Variants in LRIF1 observed in about 807,000 individuals in gnomAD.
The protein encoded by LRIF1 is ligand dependent nuclear receptor interacting factor 1, also known as ligand-dependent nuclear receptor-interacting factor 1.
A neutral mutation model predicts 52.7 loss-of-function variants in LRIF1; 32 were observed. The observed-to-expected ratio is 0.61, with a 90% confidence interval of 0.46 to 0.82. The LOEUF is 0.82. LRIF1 is among the 40% of genes least tolerant of loss of function. The pLI, the probability that LRIF1 is intolerant of heterozygous loss-of-function variation, is 0.00. For missense variants in LRIF1, 887 were observed against 892.0 expected (o/e 0.99, Z 0.07); for synonymous variants, 323 against 317.4 (o/e 1.02, Z -0.19).
intron 1 of LRIF1, among the ~76,000 whole-genome samples, chr1:110,960,356 C>T (rs1011511937): frequency 2.0e-5 from 3 of 152,014 alleles, no homozygotes; most frequent in Non-Finnish European, 4.4e-5. Context: ...ACACTCAAAT[C>T]ACAAAATAAA....
chr1:110,952,916 TA>T (rs1293572913), intron 1 of LRIF1, 101 bp from the exon 2 acceptor site: 1 of 686,080 alleles, frequency 1.5e-6, no homozygotes, highest in East Asian at 4.0e-5. Context: ...TAAAATAAAG[TA>T]TATAATTTTC....
chr1:110,893,942 C>T, the LRIF1 span, among the ~76,000 whole-genome samples: 3 of 152,226 alleles, frequency 2.0e-5, no homozygotes, highest in African/African-American at 7.2e-5. Flanking sequence ...CAGTCCTCCA[C>T]CCAGAGGTAT....
chr1:110,930,681 T>C, the LRIF1 span, among the ~76,000 whole-genome samples: 1 of 152,170 alleles, frequency 6.6e-6, no homozygotes, highest in African/African-American at 2.4e-5. Flanking sequence ...CTTCAATCTA[T>C]GAATTTTAGG....
rs775014991 is a variant in LRIF1, at chr1:110,947,980, A to G, written c.2289T>C (p.Arg763=). Residue 763 remains arginine (R), a synonymous_variant, in exon 4 of 4, where the codon CGT becomes CGC. Coordinates refer to ENST00000369763, the MANE Select transcript of LRIF1 (RefSeq NM_018372.4). Reference sequence around the variant, plus strand: ...GATTTTATTTTTGGTGCATCTTCTTACGCATTTCTTCAAGAGCTGCTTCTT... The same window carrying G: ...GATTTTATTTTTGGTGCATCTTCTTGCGCATTTCTTCAAGAGCTGCTTCTT... ...REKEAALEEM[R]KKMHQK The G allele has an allele frequency of 1.1e-5, 18 of 1,582,634 alleles. No homozygotes were observed. Among genetic ancestry groups the G allele is most frequent in the South Asian group, 1.1e-4 (9 of 85,080 alleles).
Position 110,961,004 on chromosome 1 carries a change from C to T in LRIF1, c.68+2617G>A, listed in dbSNP as rs12746498. 5.1e-3 allele frequency among the ~76,000 whole-genome samples: 784 copies of T among 152,330 alleles called. 2 individuals carry two copies. Among genetic ancestry groups the T allele is most frequent in the Non-Finnish European group, 9.0e-3 (609 of 68,020 alleles). The stretch of plus-strand genomic sequence containing the variant: ...GGCAAACAGAACCCTTAAGAGCTAT[C>T]TATCTATCCTACTTGTACAGAATCA... On this transcript the variant is annotated intron_variant, in intron 1 of 3. Coordinates refer to ENST00000369763, the MANE Select transcript of LRIF1 (RefSeq NM_018372.4).
At chr1:110,927,349 C>T in the LRIF1 span, among the ~76,000 whole-genome samples, 2 of 152,080 alleles carry the variant, frequency 1.3e-5, no homozygotes, top group African/African-American at 4.8e-5. Context: ...GATCCTAGAA[C>T]TTGGAGTCCA....
At chr1:110,909,328 A>G in the LRIF1 span, among the ~76,000 whole-genome samples, 1 of 152,338 alleles carries the variant, frequency 6.6e-6, no homozygotes, top group Middle Eastern at 3.4e-3. Context: ...TCAAGTCTAC[A>G]TAACAACCAG....
chr1:110,948,856 CTTTT>C (rs1309997644), intron 3 of LRIF1, among the ~76,000 whole-genome samples: 1 of 152,034 alleles, frequency 6.6e-6, no homozygotes, highest in African/African-American at 2.4e-5. Context: ...ATAGACATTT[CTTTT>C]TATCATTATT....
the LRIF1 span, among the ~76,000 whole-genome samples, chr1:110,925,437 G>T: frequency 6.6e-6 from 1 of 151,726 alleles, no homozygotes; most frequent in Non-Finnish European, 1.5e-5. Context: ...CTTCACACGC[G>T]CATACACATA....
At chr1:110,909,515 G>T in the LRIF1 span, among the ~76,000 whole-genome samples, 1 of 145,392 alleles carries the variant, frequency 6.9e-6, no homozygotes. Context: ...TAGGCTCAAA[G>T]TAAAGGGATG....
At chr1:110,894,448 G>C in the LRIF1 span, 2 of 1,417,128 alleles carry the variant, frequency 1.4e-6, no homozygotes, top group East Asian at 4.6e-5. Flanking sequence ...TGAAAGTGGG[G>C]AGTATGCAGT....
At chr1:110,956,163 C>A (rs1658690127) in intron 1 of LRIF1, among the ~76,000 whole-genome samples, 1 of 152,154 alleles carries the variant, frequency 6.6e-6, no homozygotes, top group East Asian at 1.9e-4. Flanking sequence ...TTGGAACAGT[C>A]TTCGTGAAGG....
In LRIF1 at chr1:110,951,625, T is replaced by G. The variant is rs1468719254; in HGVS notation, c.1259A>C (p.Lys420Thr). 1.9e-6 allele frequency: 3 copies of G among 1,613,986 alleles called. No homozygotes were observed. Among genetic ancestry groups the G allele is most frequent in the Non-Finnish European group, 2.5e-6 (3 of 1,180,016 alleles). Residue 420 changes from lysine to threonine, a missense_variant, in exon 2 of 4, where the codon AAA becomes ACA. By Grantham distance (78) the Lys-to-Thr change is moderately conservative (BLOSUM62 -1). Transcript: ENST00000369763. ...EVVNIVLAKSKSSQMETKSLS... is the reference protein window; with the variant it reads ...EVVNIVLAKSTSSQMETKSLS... ...TGATTTTGTCTCCATCTGGGAAGATTTACTTTTAGCCAAAACAATATTTAC... is the reference window on the plus strand; with the variant it reads ...TGATTTTGTCTCCATCTGGGAAGATGTACTTTTAGCCAAAACAATATTTAC...
At chr1:110,963,509 C>G in intron 1 of LRIF1, 112 bp downstream of exon 1, 1 of 832,892 alleles carries the variant, frequency 1.2e-6, no homozygotes, top group Non-Finnish European at 1.8e-6. Context: ...GTGGCGCACT[C>G]TGCGGGCTCC....
At chr1:110,896,553 T>G in the LRIF1 span, 1 of 1,070,194 alleles carries the variant, frequency 9.3e-7, no homozygotes, top group Admixed American at 2.1e-5. Flanking sequence ...ACTTCTGCTA[T>G]AGAGTCAGAT....
chr1:110,894,861 G>C, the LRIF1 span: 2 of 857,696 alleles, frequency 2.3e-6, no homozygotes, highest in East Asian at 2.5e-5. Flanking sequence ...ATTTGGAAGG[G>C]AAGCGCAAGT....
chr1:110,896,503 C>T, the LRIF1 span: 1 of 671,620 alleles, frequency 1.5e-6, no homozygotes, highest in Non-Finnish European at 2.6e-6. Context: ...TTAGAAAGCA[C>T]TTTGTTTTAA....
chr1:110,933,666 C>T, the LRIF1 span, among the ~76,000 whole-genome samples: 1 of 152,274 alleles, frequency 6.6e-6, no homozygotes, highest in African/African-American at 2.4e-5. Flanking sequence ...AGGGGAATCA[C>T]CCATCCCAGA....
the LRIF1 span, among the ~76,000 whole-genome samples, chr1:110,886,232 A>AT: frequency 6.6e-6 from 1 of 151,992 alleles, no homozygotes; most frequent in East Asian, 1.9e-4. Context: ...TATCCTTACA[A>AT]TTGTTCCTTA....
Sources: gnomAD v4.1 joint callset for allele counts (sites outside exome capture counted in the v4.1 genomes callset) on GRCh38, gnomAD v4.1.1 for gene constraint, MANE v1.5 for transcripts, NCBI Gene and HGNC (gene_info 2026-07-23, HGNC 2026-07-21) for gene names.